The following CPLANE1 variants were observed in gnomAD, a reference collection of about 807,000 sequenced individuals.
CPLANE1 encodes ciliogenesis and planar polarity effector complex subunit 1, also known as ciliogenesis and planar polarity effector 1.
In CPLANE1, 263 loss-of-function variants were observed where a neutral mutation model predicts 362.5. The observed-to-expected ratio is 0.73, with a 90% confidence interval of 0.66 to 0.80. The LOEUF (loss-of-function observed/expected upper bound fraction) is 0.80, where lower values mean the gene tolerates loss of function less well. Ranked by LOEUF, CPLANE1 falls within the 30% of genes least tolerant of loss-of-function variation. The pLI is 0.00. For missense variants in CPLANE1, 3,461 were observed against 3,793.4 expected (o/e 0.91, Z 2.30); for synonymous variants, 1,212 against 1,302.6 (o/e 0.93, Z 1.50).
At chr5:37,076,708 G>A in the CPLANE1 span, among the ~76,000 whole-genome samples, 1 of 151,694 alleles carries the variant, frequency 6.6e-6, no homozygotes, top group Admixed American at 6.6e-5. Context: ...AGTTCCCTTT[G>A]TCATTGAGCA....
At chr5:37,174,458 T>C (rs1193713967) in intron 31 of CPLANE1, among the ~76,000 whole-genome samples, 1 of 152,190 alleles carries the variant, frequency 6.6e-6, no homozygotes, top group Admixed American at 6.5e-5. Context: ...AATAGTACTG[T>C]GAACATTTCA....
At position 37,227,277 on chromosome 5, in the gene CPLANE1, T is replaced by C. The variant is rs938547995; in HGVS notation, c.1487A>G (p.Glu496Gly). 26 of 1,552,022 alleles carry C rather than the reference T, an allele frequency of 1.7e-5. No homozygotes were observed. In the African/African-American group the frequency reaches 3.4e-4, roughly 20 times the overall value. ...TGCTGCATTTTCATTTATTGTTTCT[T>C]CTGCCTGCAAGAATTTGGGGACAGT... ...DFTVPKFLQA[E>G]ETINENAADF... The change falls in exon 11 of 53, where the codon GAA (glutamate) becomes GGA (glycine). Residue 496 changes from glutamate (E) to glycine (G), a missense_variant. Physicochemically the swap from Glu to Gly is moderately conservative, Grantham distance 98. Transcript: ENST00000651892.
chr5:37,165,595 G>A lies in CPLANE1; in HGVS notation c.7477C>T (p.Arg2493Ter), dbSNP rs139675596. Residue 2493 changes from arginine to a stop codon, truncating the protein, a stop_gained, in exon 36 of 53, where the codon CGA becomes TGA. Coordinates refer to ENST00000651892, the MANE Select transcript of CPLANE1 (RefSeq NM_001384732.1). LOFTEE classifies it high-confidence loss of function. Reference protein sequence around the residue: ...KLRRKPNVTFRPENSIINNDD... With the variant: ...KLRRKPNVTF ...TTATTAATTATGGAATTCTCTGGTCGAAAAGTCACATTTGGTTTTCTCCTC... is the reference window on the plus strand; with the variant it reads ...TTATTAATTATGGAATTCTCTGGTCAAAAAGTCACATTTGGTTTTCTCCTC... The A allele has an allele frequency of 3.3e-5, 53 of 1,610,252 alleles. No individual in the cohort carries two copies. Among genetic ancestry groups the A allele is most frequent in the South Asian group, 1.1e-4 (10 of 89,926 alleles).
rs1403919198 is a variant in CPLANE1, at chr5:37,157,830, A to G, written c.7851T>C (p.Ala2617=). The part of the protein sequence containing the change: ...HTYINVIDIE[A]NDLLQELPVR... ...CAGGTAATTCCTGTAGAAGATCATTAGCTTCAATGTCAATCACATTTATAT... is the reference window on the plus strand; with the variant it reads ...CAGGTAATTCCTGTAGAAGATCATTGGCTTCAATGTCAATCACATTTATAT... The change falls in exon 40 of 53, where the codon GCT becomes GCC. Residue 2617 remains alanine, a synonymous_variant. Transcript: ENST00000651892. The G allele has an allele frequency of 1.3e-6, 2 of 1,585,088 alleles. No homozygotes were observed. Among genetic ancestry groups the G allele is most frequent in the Non-Finnish European group, 1.7e-6 (2 of 1,162,264 alleles).
At chr5:37,227,415 T>G (rs1449613293) in intron 10 of CPLANE1, 23 bp from the exon 11 acceptor site, 2 of 1,515,280 alleles carry the variant, frequency 1.3e-6, no homozygotes, top group African/African-American at 2.8e-5. Flanking sequence ...AGATGAAAGA[T>G]TTCCAAGAGC....
rs770735282 is a variant in CPLANE1, at chr5:37,153,760, G to A, written c.8353C>T (p.Leu2785=). The part of the protein sequence containing the change: ...IEQDFPKPEM[L]DLHCDKIGPV... The stretch of plus-strand genomic sequence containing the variant: ...TCTACCTTATCACAATGTAGATCTA[G>A]CATTTCAGGCTTGGGGAAATCCTGT... The change falls in exon 42 of 53, where the codon CTA becomes TTA. Residue 2785 remains leucine, a synonymous_variant. Coordinates refer to ENST00000651892, the MANE Select transcript of CPLANE1 (RefSeq NM_001384732.1). The A allele has an allele frequency of 3.1e-6, 5 of 1,612,840 alleles. No individual in the cohort carries two copies. The African/African-American group carries it at 5.3e-5, about 17-fold the overall frequency.
intron 41 of CPLANE1, among the ~76,000 whole-genome samples, chr5:37,156,182 T>A (rs1328697535): frequency 6.6e-6 from 1 of 152,238 alleles, no homozygotes; most frequent in African/African-American, 2.4e-5. Context: ...ACCACAGGGC[T>A]GACTAGGTCC....
At chr5:37,119,734 C>T (rs182117629) in intron 50 of CPLANE1, among the ~76,000 whole-genome samples, 4 of 151,910 alleles carry the variant, frequency 2.6e-5, no homozygotes, top group African/African-American at 9.7e-5. Flanking sequence ...GCCTGTAATC[C>T]CAGCACTTTG....
downstream of CPLANE1, among the ~76,000 whole-genome samples, chr5:37,105,039 T>A (rs1419384569): frequency 2.6e-5 from 4 of 152,134 alleles, no homozygotes; most frequent in African/African-American, 9.7e-5. Context: ...CAGTGGCCCA[T>A]CCCTCTAATC....
At chr5:37,113,217 G>C (rs1759850380) in intron 51 of CPLANE1, among the ~76,000 whole-genome samples, 1 of 152,182 alleles carries the variant, frequency 6.6e-6, no homozygotes, top group Non-Finnish European at 1.5e-5. Flanking sequence ...GCTGTGGGAG[G>C]GACCAGGTGG....
chr5:37,150,041 G>A (rs965230136), intron 42 of CPLANE1, among the ~76,000 whole-genome samples: 61 of 152,142 alleles, frequency 4.0e-4, no homozygotes, highest in African/African-American at 1.4e-3. Flanking sequence ...AGCCCTATCA[G>A]AATTTTTGAG....
rs774003944 is a variant in CPLANE1 at position 37,248,185 on chromosome 5, T to C, written c.-47-440A>G. Among the ~76,000 whole-genome samples the C allele has an allele frequency of 4.5e-4, 69 of 152,024 alleles. 1 individual carries two copies. The highest frequency in any genetic ancestry group is 5.1e-4 in the Non-Finnish European group (35 of 67,976). On this transcript the variant is annotated intron_variant, in intron 1 of 52. Coordinates refer to ENST00000651892, the MANE Select transcript of CPLANE1 (RefSeq NM_001384732.1). ...TCTTGTAGCCCAGGCTGCAGTGCAG[T>C]GGCGCGATCTCGGCTCACTGCAACC...
intron 43 of CPLANE1, among the ~76,000 whole-genome samples, 200 bp downstream of exon 43, chr5:37,147,971 CAAAAAAAAAA>C (rs11284644): frequency 6.5e-5 from 1 of 15,312 alleles, no homozygotes; most frequent in African/African-American, 1.3e-4. Context: ...ACTGCCTTCT[CAAAAAAAAAA>C]AAAAAAAAAA....
At chr5:37,122,120 C>T (rs1762830543) in intron 48 of CPLANE1, among the ~76,000 whole-genome samples, 1 of 152,076 alleles carries the variant, frequency 6.6e-6, no homozygotes, top group South Asian at 2.1e-4. Context: ...AATGATTAGG[C>T]AGTATTATTA....
At chr5:37,146,793 T>C (rs747712738) in intron 43 of CPLANE1, among the ~76,000 whole-genome samples, 11 of 152,034 alleles carry the variant, frequency 7.2e-5, no homozygotes, top group Non-Finnish European at 1.5e-4. Context: ...CTGCCTTCTA[T>C]TAAAATAGTG....
the CPLANE1 span, among the ~76,000 whole-genome samples, chr5:37,084,808 A>G: frequency 6.6e-6 from 1 of 151,936 alleles, no homozygotes; most frequent in Non-Finnish European, 1.5e-5. Context: ...AAAAAAAGAT[A>G]CAAAATGGCA....
intron 9 of CPLANE1, among the ~76,000 whole-genome samples, chr5:37,228,637 T>C (rs774020139): frequency 7.2e-5 from 11 of 152,218 alleles, no homozygotes; most frequent in Non-Finnish European, 1.0e-4. Context: ...CTAATATTGC[T>C]ATTATCATTG....
chr5:37,103,756 A>AC (rs1264838017), downstream of CPLANE1, among the ~76,000 whole-genome samples: 1 of 152,114 alleles, frequency 6.6e-6, no homozygotes, highest in African/African-American at 2.4e-5. Context: ...TGATGGGCTT[A>AC]CTTTTTTTAG....
chr5:37,227,893 G>A, intron 9 of CPLANE1, 76 bp from the exon 10 acceptor site: 1 of 1,365,980 alleles, frequency 7.3e-7, no homozygotes, highest in Non-Finnish European at 9.7e-7. Context: ...TTTCAAAAAA[G>A]AAGAAAAAGT....
Sources: allele counts gnomAD v4.1 joint callset (sites outside exome capture counted in the v4.1 genomes callset), GRCh38; gene constraint gnomAD v4.1.1; transcripts MANE v1.5; gene names NCBI Gene and HGNC (gene_info 2026-07-23, HGNC 2026-07-21).